KLF12: variants seen among roughly 807,000 people sequenced by gnomAD.
The protein encoded by KLF12 is KLF transcription factor 12.
KLF12 carries 9 observed loss-of-function variants against 37.8 expected under a neutral mutation model. The ratio of observed to expected loss-of-function variants is 0.24; its 90% CI spans 0.14 to 0.42. The LOEUF (loss-of-function observed/expected upper bound fraction) is 0.42. Among genes scored for constraint, KLF12 ranks in the 10% least tolerant of loss-of-function variants. KLF12 has a pLI of 1.00. For missense variants in KLF12, 411 were observed against 516.0 expected, an observed-to-expected ratio of 0.80 and a Z score of 1.97; for synonymous variants, 208 against 202.1, an observed-to-expected ratio of 1.03 and a Z score of -0.25.
At chr13:74,080,042 TA>T (rs1874788297) in intron 1 of KLF12, among the ~76,000 whole-genome samples, 2 of 152,216 alleles carry the variant, frequency 1.3e-5, no homozygotes, top group South Asian at 4.1e-4. Flanking sequence ...TTCAGCCTTA[TA>T]AAGGAAGAAA....
the KLF12 span, among the ~76,000 whole-genome samples, chr13:74,281,608 T>C: frequency 6.6e-6 from 1 of 152,232 alleles, no homozygotes; most frequent in Non-Finnish European, 1.5e-5. Flanking sequence ...TAGAAACAGA[T>C]ACACATTTTC....
chr13:74,209,047 A>G, the KLF12 span, among the ~76,000 whole-genome samples: 1 of 152,118 alleles, frequency 6.6e-6, no homozygotes, highest in East Asian at 1.9e-4. Context: ...GTAACAGTAT[A>G]CTAGATTTTG....
At chr13:74,140,594 A>T in the KLF12 span, among the ~76,000 whole-genome samples, 1 of 152,216 alleles carries the variant, frequency 6.6e-6, no homozygotes, top group Non-Finnish European at 1.5e-5. Flanking sequence ...AAAACATCTT[A>T]AATTGGTAAA....
intron 1 of KLF12, among the ~76,000 whole-genome samples, chr13:74,082,350 A>G (rs772628210): frequency 5.3e-5 from 8 of 152,176 alleles, no homozygotes; most frequent in Non-Finnish European, 1.0e-4. Flanking sequence ...AGGAAAAAAT[A>G]TAAGTGAGCT....
At chr13:74,068,283 C>G (rs974098803) in intron 1 of KLF12, among the ~76,000 whole-genome samples, 1 of 152,150 alleles carries the variant, frequency 6.6e-6, no homozygotes, top group Non-Finnish European at 1.5e-5. Flanking sequence ...GATTCAGCTA[C>G]TATAACAATT....
At chr13:73,884,054 T>C (rs1887105511) in intron 3 of KLF12, among the ~76,000 whole-genome samples, 1 of 152,170 alleles carries the variant, frequency 6.6e-6, no homozygotes, top group African/African-American at 2.4e-5. Context: ...TGTGAAAACT[T>C]TAACTCCCCT....
At chr13:73,767,240 C>T (rs1435535159) in intron 5 of KLF12, among the ~76,000 whole-genome samples, 3 of 152,116 alleles carry the variant, frequency 2.0e-5, no homozygotes, top group African/African-American at 7.2e-5. Flanking sequence ...TGCCTTCTTT[C>T]CACATATAGA....
intron 5 of KLF12, among the ~76,000 whole-genome samples, chr13:73,799,193 T>C (rs1331134511): frequency 2.0e-5 from 3 of 152,076 alleles, no homozygotes; most frequent in East Asian, 1.9e-4. Context: ...CTCACTTACA[T>C]GTGGGAGCAA....
rs926081156 is a variant in KLF12, at chr13:73,692,887, A to C, written c.*2603T>G. 6.6e-6 allele frequency: 1 copy of C among 152,624 alleles called. No individual in the cohort carries two copies. The highest frequency in any genetic ancestry group is 2.4e-5 in the African/African-American group (1 of 41,458). The allele number at this position is 152,624 out of a possible 1,614,324, so 9.5% of individuals were successfully genotyped here. A position where few individuals can be genotyped will look rare whatever the true frequency, so the allele number is the denominator to read the frequency against. The stretch of plus-strand genomic sequence containing the variant: ...ATCTCAGTCTGGTTTCCACTTTCAG[A>C]GGATGAGGGAAAATGTTCCCTTCCC... On this transcript the variant is annotated 3_prime_UTR_variant, in exon 8 of 8. Transcript: ENST00000377669.
At chr13:74,121,424 A>G (rs574126943) in intron 1 of KLF12, among the ~76,000 whole-genome samples, 1 of 152,188 alleles carries the variant, frequency 6.6e-6, no homozygotes, top group Non-Finnish European at 1.5e-5. Context: ...AATACATTAA[A>G]AGAAAAGAAA....
intron 1 of KLF12, among the ~76,000 whole-genome samples, chr13:74,076,190 A>G (rs915837250): frequency 1.3e-5 from 2 of 152,192 alleles, no homozygotes; most frequent in African/African-American, 4.8e-5. Context: ...TTTAAAAGAA[A>G]ATTTTAAAAG....
chr13:73,908,488 TG>T (rs1440475593), intron 3 of KLF12, among the ~76,000 whole-genome samples: 11 of 137,660 alleles, frequency 8.0e-5, no homozygotes, highest in African/African-American at 2.0e-4. Flanking sequence ...TTTTTTCTTT[TG>T]TTTTTTTTTG....
At chr13:74,117,810 T>A (rs933793490) in intron 1 of KLF12, among the ~76,000 whole-genome samples, 1 of 152,110 alleles carries the variant, frequency 6.6e-6, no homozygotes, top group Non-Finnish European at 1.5e-5. Context: ...CTGAAGGACG[T>A]CCTATAAAAT....
intron 1 of KLF12, among the ~76,000 whole-genome samples, chr13:74,018,108 A>T (rs949610993): frequency 6.6e-6 from 1 of 152,240 alleles, no homozygotes; most frequent in South Asian, 2.1e-4. Flanking sequence ...TACTTAAAAA[A>T]ATATACACAC....
At chr13:73,733,335 CCTCTA>C (rs1411037953) in intron 6 of KLF12, among the ~76,000 whole-genome samples, 2 of 152,086 alleles carry the variant, frequency 1.3e-5, no homozygotes, top group Admixed American at 6.6e-5. Context: ...GCCCTGGTAA[CCTCTA>C]CTATATTTTT....
At position 74,060,502 on chromosome 13, in the gene KLF12, G is replaced by GTGTGTGCGTC. The variant is rs1555336676; in HGVS notation, c.-31-65450_-31-65449insGACGCACACA. Among the ~76,000 whole-genome samples, 935 of 150,204 alleles carry GTGTGTGCGTC rather than the reference G, an allele frequency of 6.2e-3. 3 individuals carry two copies. The highest frequency in any genetic ancestry group is 0.022 in the African/African-American group (899 of 40,796). ...CTAGGTTTTGTGTGTGTGTGTGTGT[G>GTGTGTGCGTC]TGTGTGTGTGTGTGTGTGTGTGTGT... is the stretch of plus-strand genomic sequence containing the variant. On this transcript the variant is annotated intron_variant, in intron 1 of 7. Coordinates refer to ENST00000377669, the MANE Select transcript of KLF12 (RefSeq NM_007249.5).
At chr13:73,712,338 C>CAAAAAAAAAAAA (rs752694466) in intron 7 of KLF12, among the ~76,000 whole-genome samples, 1 of 42,056 alleles carries the variant, frequency 2.4e-5, no homozygotes. Flanking sequence ...AACTCCATGT[C>CAAAAAAAAAAAA]AAAAAAAAAA....
chr13:74,108,966 TAATC>T (rs1876825970), intron 1 of KLF12, among the ~76,000 whole-genome samples: 1 of 152,124 alleles, frequency 6.6e-6, no homozygotes, highest in South Asian at 2.1e-4. Flanking sequence ...TTATGTAAAT[TAATC>T]ATTCATTTTA....
intron 1 of KLF12, among the ~76,000 whole-genome samples, chr13:74,010,354 T>C (rs1892519982): frequency 1.3e-5 from 2 of 152,212 alleles, no homozygotes; most frequent in African/African-American, 4.8e-5. Context: ...CCCACCTATT[T>C]TGGTAAGACC....
Sources: gnomAD v4.1 joint callset for allele counts (sites outside exome capture counted in the v4.1 genomes callset) on GRCh38, gnomAD v4.1.1 for gene constraint, MANE v1.5 for transcripts, NCBI Gene and HGNC (gene_info 2026-07-23, HGNC 2026-07-21) for gene names.